TP53BP1: variants seen among roughly 807,000 people sequenced by gnomAD.
TP53BP1 encodes the protein tumor protein p53 binding protein 1, also known as TP53-binding protein 1.
Under a neutral mutation model 200.8 loss-of-function variants are expected in TP53BP1, and 61 were observed. The observed-to-expected ratio is 0.30, with a 90% CI of 0.25 to 0.38. The LOEUF is 0.38. Ranked by LOEUF, TP53BP1 falls within the 10% of genes least tolerant of loss-of-function variation. TP53BP1 has a pLI of 1.00. For missense variants in TP53BP1, 2,144 were observed against 2,371.9 expected (o/e 0.90, Z 2.00); for synonymous variants, 822 against 844.3 (o/e 0.97, Z 0.46).
At chr15:43,506,179 T>C (rs1293681616) in intron 1 of TP53BP1, among the ~76,000 whole-genome samples, 3 of 152,176 alleles carry the variant, frequency 2.0e-5, no homozygotes, top group African/African-American at 7.2e-5. Context: ...GATGTTCTTC[T>C]CTCCTATGAA....
chr15:43,465,480 G>C (rs761284626), intron 11 of TP53BP1, among the ~76,000 whole-genome samples: 9 of 151,896 alleles, frequency 5.9e-5, no homozygotes, highest in Non-Finnish European at 8.8e-5. Context: ...TCAAAAGTAG[G>C]AGGCAAAATA....
intron 12 of TP53BP1, among the ~76,000 whole-genome samples, chr15:43,454,151 G>A (rs1163908325): frequency 6.6e-6 from 1 of 151,726 alleles, no homozygotes; most frequent in African/African-American, 2.4e-5. Context: ...GTTGCAGTGA[G>A]CTGAGATTGC....
At chr15:43,415,365 C>T (rs1171841090) in intron 23 of TP53BP1, 7 of 635,286 alleles carry the variant, frequency 1.1e-5, no homozygotes, top group African/African-American at 1.8e-5. Flanking sequence ...CCCGCCACCA[C>T]ACTCAGCTAA....
intron 14 of TP53BP1, among the ~76,000 whole-genome samples, chr15:43,443,609 C>T (rs548669011): frequency 9.9e-5 from 15 of 152,220 alleles, no homozygotes; most frequent in South Asian, 2.1e-4. Context: ...ATGGGAGGAT[C>T]GCTTGAGCCT....
At position 43,427,875 on chromosome 15, in the gene TP53BP1, T is replaced by A. The variant is rs182416317; in HGVS notation, c.3828+141A>T. The stretch of plus-strand genomic sequence containing the variant: ...GGGAGGCTGAGGCAGAAGGATCACT[T>A]GAGCCTGGGAGGCAGAGGCTGCAGT... On this transcript the variant is annotated intron_variant, in intron 18 of 27. Coordinates refer to ENST00000382044, the MANE Select transcript of TP53BP1 (RefSeq NM_001141980.3). The A allele has an allele frequency of 6.4e-4, 397 of 619,298 alleles. 2 individuals carry two copies. The African/African-American group carries it at 6.6e-3, about 10-fold the overall frequency. 38.4% of individuals were successfully genotyped at this position (619,298 alleles called of 1,614,324 possible).
At chr15:43,477,562 A>G in intron 8 of TP53BP1, 31 bp downstream of exon 8, 1 of 1,569,970 alleles carries the variant, frequency 6.4e-7, no homozygotes, top group Admixed American at 2.0e-5. Context: ...ATCTTTGGAG[A>G]AGAGCTGTAA....
chr15:43,454,473 C>G (rs2046247224), intron 12 of TP53BP1, among the ~76,000 whole-genome samples: 1 of 151,618 alleles, frequency 6.6e-6, no homozygotes, highest in Non-Finnish European at 1.5e-5. Context: ...AAGTGATTCT[C>G]CTGTCTCAGC....
chr15:43,410,249 C>T (rs899287970), intron 24 of TP53BP1, among the ~76,000 whole-genome samples: 2 of 152,146 alleles, frequency 1.3e-5, no homozygotes, highest in Non-Finnish European at 2.9e-5. Context: ...CCTTGTACAA[C>T]TAAAACTTTA....
At chr15:43,415,874 A>AT (rs1179336191) in intron 22 of TP53BP1, 65 bp from the exon 23 acceptor site, 15 of 1,349,566 alleles carry the variant, frequency 1.1e-5, no homozygotes, top group Non-Finnish European at 1.6e-5. Context: ...ACTCCAAGAA[A>AT]CTGGGCAGAC....
intron 12 of TP53BP1, among the ~76,000 whole-genome samples, chr15:43,453,193 CAAA>C (rs34555611): frequency 2.4e-5 from 1 of 41,426 alleles, no homozygotes; most frequent in Non-Finnish European, 4.6e-5. Flanking sequence ...GACTCCGTCT[CAAA>C]AAAAAAAAAA....
intron 15 of TP53BP1, among the ~76,000 whole-genome samples, chr15:43,440,805 C>G (rs1456521180): frequency 2.0e-5 from 3 of 152,058 alleles, no homozygotes; most frequent in Non-Finnish European, 4.4e-5. Context: ...AGGAGGATAG[C>G]TGGAGGTCAG....
chr15:43,421,687 T>C, intron 19 of TP53BP1, 168 bp downstream of exon 19: 2 of 978,620 alleles, frequency 2.0e-6, no homozygotes, highest in South Asian at 1.7e-5. Context: ...CCACCCTACT[T>C]CCCACACAAA....
chr15:43,453,336 G>T (rs1474403936), intron 12 of TP53BP1, among the ~76,000 whole-genome samples: 1 of 151,768 alleles, frequency 6.6e-6, no homozygotes, highest in Non-Finnish European at 1.5e-5. Context: ...AGAATTTTAG[G>T]TTATTCACAT....
At chr15:43,466,770 T>C (rs745580088) in intron 11 of TP53BP1, among the ~76,000 whole-genome samples, 8 of 152,144 alleles carry the variant, frequency 5.3e-5, no homozygotes, top group Non-Finnish European at 8.8e-5. Context: ...GGTGGGAGGA[T>C]GGCCTGAGTA....
At chr15:43,510,518 A>C (rs1039705914) in exon 1 of TP53BP1, 6 of 156,240 alleles carry the variant, frequency 3.8e-5, no homozygotes, top group South Asian at 3.6e-4. Flanking sequence ...ACAAAAAAAA[A>C]AAAAAACACG....
At chr15:43,465,396 T>G (rs2046550810) in intron 11 of TP53BP1, among the ~76,000 whole-genome samples, 1 of 152,080 alleles carries the variant, frequency 6.6e-6, no homozygotes, top group African/African-American at 2.4e-5. Flanking sequence ...GTGAATTACA[T>G]CTCAATATAG....
chr15:43,465,739 A>C (rs1352328371), intron 11 of TP53BP1, among the ~76,000 whole-genome samples: 3 of 152,194 alleles, frequency 2.0e-5, no homozygotes, highest in African/African-American at 7.2e-5. Context: ...GATTCCAGTA[A>C]AGAAAAACCA....
intron 11 of TP53BP1, among the ~76,000 whole-genome samples, chr15:43,459,888 A>G (rs1321418497): frequency 1.3e-5 from 2 of 152,132 alleles, no homozygotes; most frequent in Non-Finnish European, 2.9e-5. Context: ...ACTTGAAACT[A>G]CTGAAATACC....
rs567188516 is a variant in TP53BP1, at chr15:43,419,534, T to A, written c.4681+771A>T. ...GCCCCCATGCCCAGCTAATTTATGTTCCTTTTTTTTTTTTTTTTTTTTTTT... is the reference window on the plus strand; with the variant it reads ...GCCCCCATGCCCAGCTAATTTATGTACCTTTTTTTTTTTTTTTTTTTTTTT... On this transcript the variant is annotated intron_variant, in intron 21 of 27. Coordinates refer to ENST00000382044, the MANE Select transcript of TP53BP1 (RefSeq NM_001141980.3). Among the ~76,000 whole-genome samples the A allele has an allele frequency of 2.8e-4, 40 of 141,060 alleles. No homozygotes were observed. The South Asian group carries it at 8.0e-3, about 28-fold the overall frequency. 92.5% of individuals were successfully genotyped at this position (141,060 alleles called of 152,430 possible).
Sources: allele counts gnomAD v4.1 joint callset (sites outside exome capture counted in the v4.1 genomes callset), GRCh38; gene constraint gnomAD v4.1.1; transcripts MANE v1.5; gene names NCBI Gene and HGNC (gene_info 2026-07-23, HGNC 2026-07-21).